C5: variants seen among roughly 807,000 people sequenced by gnomAD.
C5 encodes complement C5, also known as C3 and PZP-like alpha-2-macroglobulin domain-containing protein 4.
In C5, 140 loss-of-function variants were observed where a neutral mutation model predicts 218.8. The observed-to-expected ratio is 0.64, with a 90% confidence interval of 0.56 to 0.74. C5 has a LOEUF of 0.74. Ranked by LOEUF, C5 falls within the 30% of genes least tolerant of loss-of-function variation. C5 has a pLI of 0.00. For missense variants in C5, 1,700 were observed against 1,969.6 expected (o/e 0.86, Z 2.59); for synonymous variants, 614 against 682.3 (o/e 0.90, Z 1.56).
intron 6 of C5, among the ~76,000 whole-genome samples, chr9:121,031,274 T>C (rs2047472386): frequency 6.6e-6 from 1 of 152,124 alleles, no homozygotes; most frequent in African/African-American, 2.4e-5. Flanking sequence ...GTTAGTCTAT[T>C]AATATAATTT....
the C5 span, among the ~76,000 whole-genome samples, chr9:121,056,852 G>C: frequency 6.6e-6 from 1 of 152,130 alleles, no homozygotes; most frequent in Non-Finnish European, 1.5e-5. Flanking sequence ...TCCAAACCTA[G>C]AGAAAGATAT....
intron 20 of C5, among the ~76,000 whole-genome samples, chr9:120,998,470 C>G (rs2047135982): frequency 6.6e-6 from 1 of 152,180 alleles, no homozygotes; most frequent in Non-Finnish European, 1.5e-5. Flanking sequence ...ATTTTTGTAT[C>G]TTTTAGCTCA....
At chr9:120,989,211 T>G in intron 24 of C5, 90 bp from the exon 25 acceptor site, 1 of 1,030,140 alleles carries the variant, frequency 9.7e-7, no homozygotes, top group Non-Finnish European at 1.5e-6. Context: ...ATGGTAAGCT[T>G]CCTTTGGTGT....
In C5 at chr9:120,989,616, A is replaced by G. The variant is rs771319107; in HGVS notation, c.3106T>C (p.Ser1036Pro). The G allele has an allele frequency of 9.3e-6, 15 of 1,613,292 alleles. No individual in the cohort carries two copies. Among genetic ancestry groups the G allele is most frequent in the Non-Finnish European group, 1.3e-5 (15 of 1,179,532 alleles). ...ETGNHWNIFH[S>P]DPLIEKQKLK... is the part of the protein sequence containing the mutation. ...TTCTGCTTTTCAATTAATGGGTCAG[A>G]ATGAAAAATGTTCCAATGATTTCCT... Residue 1036 changes from serine to proline, a missense_variant, in exon 24 of 41, where the codon TCT (serine) becomes CCT (proline). Coordinates refer to ENST00000223642, the MANE Select transcript of C5 (RefSeq NM_001735.3).
chr9:121,042,746 A>G (rs1365635075), intron 3 of C5, among the ~76,000 whole-genome samples: 1 of 152,188 alleles, frequency 6.6e-6, no homozygotes, highest in Non-Finnish European at 1.5e-5. Flanking sequence ...TTGAAAAAGC[A>G]TTTTCTACTT....
upstream of C5, among the ~76,000 whole-genome samples, chr9:121,054,160 A>T (rs2047686773): frequency 6.6e-6 from 1 of 152,152 alleles, no homozygotes; most frequent in Non-Finnish European, 1.5e-5. Flanking sequence ...GGCACAACTG[A>T]CCAGCATTCA....
At chr9:121,008,977 T>C (rs745810244) in intron 17 of C5, among the ~76,000 whole-genome samples, 3 of 151,656 alleles carry the variant, frequency 2.0e-5, no homozygotes, top group Non-Finnish European at 4.4e-5. Context: ...CTTAGGATTT[T>C]TCCACTAATA....
chr9:121,053,070 G>C (rs116953379), upstream of C5, among the ~76,000 whole-genome samples: 1 of 152,208 alleles, frequency 6.6e-6, no homozygotes, highest in African/African-American at 2.4e-5. Context: ...TGGCTGGCTA[G>C]AGTAAGAGAG....
At position 121,034,845 on chromosome 9, in the gene C5, C is replaced by A. The variant is rs780480348; in HGVS notation, c.542G>T (p.Gly181Val). ...CTTGAAGTCAGGAAAAGAGATAATT[C>A]CAATATGATCAATTTCTTCTACCAT... ...VDMVEEIDHI[G>V]IISFPDFKIP... is the part of the protein sequence containing the mutation. The change falls in exon 5 of 41, where the codon GGA (glycine) becomes GTA (valine). Residue 181 changes from glycine to valine, a missense_variant. By Grantham distance (109) the Gly-to-Val change is moderately radical (BLOSUM62 -3). Transcript: ENST00000223642. 3 of 1,595,456 alleles carry A rather than the reference C, an allele frequency of 1.9e-6. No homozygotes were observed. In the East Asian group the frequency reaches 6.7e-5, roughly 36 times the overall value.
intron 27 of C5, 96 bp from the exon 28 acceptor site, chr9:120,980,350 A>G (rs2046983203): frequency 1.9e-6 from 2 of 1,046,354 alleles, no homozygotes; most frequent in East Asian, 4.8e-5. Context: ...GGAGCAAGCA[A>G]TATGGGGGTG....
intron 17 of C5, among the ~76,000 whole-genome samples, chr9:121,013,318 G>GGAAAAAAAAAAAAAAAAAAAAAAAAAAAA: frequency 1.0e-5 from 1 of 99,252 alleles, no homozygotes; most frequent in Non-Finnish European, 2.1e-5. Context: ...GATTCCTACT[G>GGAAAAAAAAAAAAAAAAAAAAAAAAAAAA]AAAAAAAAAA....
At chr9:121,053,204 C>T (rs561483176), upstream of C5, among the ~76,000 whole-genome samples, 3 of 152,194 alleles carry the variant, frequency 2.0e-5, no homozygotes, top group Non-Finnish European at 4.4e-5. Context: ...GGGAATCATA[C>T]AAGTTTTGTT....
intron 32 of C5, among the ~76,000 whole-genome samples, 169 bp from the exon 33 acceptor site, chr9:120,969,287 T>C (rs1261187546): frequency 7.6e-6 from 1 of 130,832 alleles, no homozygotes; most frequent in Non-Finnish European, 1.7e-5. Context: ...TGGAAATTCA[T>C]GGCTATTGAC....
At chr9:121,063,341 G>A in the C5 span, among the ~76,000 whole-genome samples, 1 of 151,688 alleles carries the variant, frequency 6.6e-6, no homozygotes, top group Admixed American at 6.6e-5. Context: ...TTCAGTTATT[G>A]TAGTTTTCAA....
At chr9:120,954,078 G>GA (rs34605865) in intron 39 of C5, among the ~76,000 whole-genome samples, 1 of 152,158 alleles carries the variant, frequency 6.6e-6, no homozygotes, top group Non-Finnish European at 1.5e-5. Flanking sequence ...GTGACTCTGG[G>GA]AAAATGATTT....
At chr9:121,049,075 G>A (rs1196320089) in intron 1 of C5, among the ~76,000 whole-genome samples, 2 of 152,080 alleles carry the variant, frequency 1.3e-5, no homozygotes, top group East Asian at 3.8e-4. Flanking sequence ...TGCTATATCT[G>A]CAGTGCCTAT....
At chr9:120,989,490 C>G (rs2047059398) in intron 24 of C5, 78 bp downstream of exon 24, 3 of 954,498 alleles carry the variant, frequency 3.1e-6, no homozygotes, top group Admixed American at 2.4e-5. Context: ...TTCTATAATT[C>G]ACAACTTAAA....
At chr9:121,006,616 GA>G (rs1172306212) in intron 19 of C5, among the ~76,000 whole-genome samples, 2 of 152,108 alleles carry the variant, frequency 1.3e-5, no homozygotes, top group Non-Finnish European at 1.5e-5. Context: ...GTGGAGGTGG[GA>G]AGGTTGCTTG....
At position 121,047,915 on chromosome 9, in the gene C5, A is replaced by T. The variant is rs185915992; in HGVS notation, c.66-1532T>A. 9.8e-5 allele frequency among the ~76,000 whole-genome samples: 15 copies of T among 152,296 alleles called. No individual in the cohort carries two copies. The East Asian group carries it at 2.5e-3, about 25-fold the overall frequency. On this transcript the variant is annotated intron_variant, in intron 1 of 40. Transcript: ENST00000223642. The stretch of plus-strand genomic sequence containing the variant: ...TGCCCTGTGATAAGGCACTATTCTG[A>T]ATACTTTATTTGTATAAACTCATTG...
Sources: gnomAD v4.1 joint callset for allele counts (sites outside exome capture counted in the v4.1 genomes callset) on GRCh38, gnomAD v4.1.1 for gene constraint, MANE v1.5 for transcripts, NCBI Gene and HGNC (gene_info 2026-07-23, HGNC 2026-07-21) for gene names.